The following ANKUB1 variants were observed in gnomAD, a reference collection of about 807,000 sequenced individuals.
ANKUB1 encodes the protein ankyrin repeat and ubiquitin domain containing 1, also known as protein ANKUB1.
In ANKUB1, 42 loss-of-function variants were observed where a neutral mutation model predicts 49.3. The observed-to-expected ratio is 0.85, with a 90% CI of 0.67 to 1.10. The LOEUF is 1.10. ANKUB1 is among the 50% of genes least tolerant of loss of function. ANKUB1 has a pLI of 0.00. For missense variants in ANKUB1, 613 were observed against 642.0 expected, an observed-to-expected ratio of 0.95 and a Z score of 0.49; for synonymous variants, 222 against 231.0, an observed-to-expected ratio of 0.96 and a Z score of 0.35.
chr3:149,780,076 A>G (rs1717787408), intron 3 of ANKUB1, 163 bp downstream of exon 3: 4 of 660,910 alleles, frequency 6.1e-6, no homozygotes, highest in African/African-American at 1.8e-5. Context: ...CTGATATTTA[A>G]ACTATGTAAA....
intron 3 of ANKUB1, among the ~76,000 whole-genome samples, chr3:149,773,876 G>A (rs1717469861): frequency 6.6e-6 from 1 of 152,126 alleles, no homozygotes; most frequent in Non-Finnish European, 1.5e-5. Flanking sequence ...AATTTATTAA[G>A]ATTTAGGCCA....
rs35734266 is a variant in ANKUB1 at position 149,776,804 on chromosome 3, T to TACAC, written c.451+3431_451+3434dup. Among the ~76,000 whole-genome samples the TACAC allele has an allele frequency of 1.6e-3, 242 of 149,598 alleles. 3 individuals are homozygous for TACAC. The South Asian group carries it at 0.022, about 13-fold the overall frequency. ...GGTGAAACCCTGTCTCTATAAAAAATACACACACACACACACACACAAATT... is the reference window on the plus strand; with the variant it reads ...GGTGAAACCCTGTCTCTATAAAAAATACACACACACACACACACACACACAAATT... On this transcript the variant is annotated intron_variant, in intron 3 of 5. Coordinates refer to ENST00000446160, the MANE Select transcript of ANKUB1 (RefSeq NM_001144960.3).
chr3:149,767,573 A>G lies in ANKUB1; in HGVS notation c.1089T>C (p.His363=), dbSNP rs567611404. ...TTTGTGAGTCGCTGTTCCCAGCCTTATGCCAGCTCTTGGAGGTCATTTTTG... is the reference window on the plus strand; with the variant it reads ...TTTGTGAGTCGCTGTTCCCAGCCTTGTGCCAGCTCTTGGAGGTCATTTTTG... ...TKPKMTSKSW[H]KAGNSDSQSI... is the part of the protein sequence containing the mutation. Residue 363 remains histidine (H), a synonymous_variant, in exon 5 of 6, where the codon CAT becomes CAC. Transcript: ENST00000446160. 3 of 1,551,652 alleles carry G rather than the reference A, an allele frequency of 1.9e-6. No homozygotes were observed. The highest frequency in any genetic ancestry group is 2.6e-6 in the Non-Finnish European group (3 of 1,146,990).
Position 149,767,586 on chromosome 3 carries a change from G to C in ANKUB1, c.1076C>G (p.Ser359Cys). The C allele has an allele frequency of 2.6e-6, 4 of 1,551,680 alleles. No homozygotes were observed. In the South Asian group the frequency reaches 4.8e-5, roughly 18 times the overall value. Residue 359 changes from serine to cysteine, a missense_variant, in exon 5 of 6, where the codon TCC becomes TGC. Physicochemically the swap from Ser to Cys is moderately radical, Grantham distance 112 (BLOSUM62 -1). Coordinates refer to ENST00000446160, the MANE Select transcript of ANKUB1 (RefSeq NM_001144960.3). ...VDGFTKPKMT[S>C]KSWHKAGNSD... Reference sequence around the variant, plus strand: ...GTTCCCAGCCTTATGCCAGCTCTTGGAGGTCATTTTTGGTTTGGTGAAACC... The same window carrying C: ...GTTCCCAGCCTTATGCCAGCTCTTGCAGGTCATTTTTGGTTTGGTGAAACC...
intron 3 of ANKUB1, 58 bp from the exon 4 acceptor site, chr3:149,770,732 A>G (rs1717318161): frequency 9.4e-7 from 1 of 1,058,818 alleles, no homozygotes; most frequent in Non-Finnish European, 1.4e-6. Flanking sequence ...TTGACAATCC[A>G]TAAAACTTCT....
At chr3:149,773,199 G>A (rs144585757) in intron 3 of ANKUB1, among the ~76,000 whole-genome samples, 2 of 151,834 alleles carry the variant, frequency 1.3e-5, no homozygotes, top group African/African-American at 2.4e-5. Context: ...ACACGAACAC[G>A]ACAAAGGATA....
intron 2 of ANKUB1, among the ~76,000 whole-genome samples, chr3:149,788,931 C>A (rs573467641): frequency 6.6e-6 from 1 of 151,930 alleles, no homozygotes; most frequent in South Asian, 2.1e-4. Flanking sequence ...GTGCCCACCA[C>A]ACCCAGCTAA....
intron 2 of ANKUB1, among the ~76,000 whole-genome samples, chr3:149,788,365 C>T (rs1718206531): frequency 6.6e-6 from 1 of 151,882 alleles, no homozygotes; most frequent in Non-Finnish European, 1.5e-5. Context: ...GACTTCTGCC[C>T]TGGCTCTCTT....
At position 149,792,328 on chromosome 3, in the gene ANKUB1, C is replaced by T. The variant is rs372356779; in HGVS notation, c.39G>A (p.Pro13=). ...CAGTTTCATCTGCTGAAACATCAAA[C>T]GGTTCAAAAGATCCTTCAAAGGCGA... ...IFIAFEGSFE[P]FDVSADETVE... The change falls in exon 1 of 6, where the codon CCG becomes CCA. Residue 13 remains proline (P), a synonymous_variant. Transcript: ENST00000446160. The T allele has an allele frequency of 2.9e-3, 4,440 of 1,532,080 alleles. 11 individuals are homozygous for T. The highest frequency in any genetic ancestry group is 3.6e-3 in the Non-Finnish European group (4,070 of 1,136,474). The allele number at this position is 1,532,080 out of a possible 1,614,324, so 94.9% of individuals were successfully genotyped here.
chr3:149,783,814 G>C (rs1185460984), intron 2 of ANKUB1: 3 of 152,184 alleles, frequency 2.0e-5, no homozygotes, highest in Admixed American at 2.0e-4. Flanking sequence ...ATTCTGGAGA[G>C]ATTATCCATG....
rs1358151610 is a variant in ANKUB1, at chr3:149,780,384, A to T, written c.306T>A (p.Ile102=). 8.4e-6 allele frequency: 13 copies of T among 1,552,202 alleles called. No homozygotes were observed. Among genetic ancestry groups the T allele is most frequent in the Non-Finnish European group, 1.1e-5 (13 of 1,147,070 alleles). Reference sequence around the variant, plus strand: ...CAGACACTGTTTTATCAAGAAGGGAAATGCTCTCCATTACTGGCATTGTGT... The same window carrying T: ...CAGACACTGTTTTATCAAGAAGGGATATGCTCTCCATTACTGGCATTGTGT... ...TQDTMPVMES[I]SLLDKTVSDL... The change falls in exon 3 of 6, where the codon ATT becomes ATA. Residue 102 remains isoleucine (I), a synonymous_variant. Transcript: ENST00000446160.
At chr3:149,772,903 C>A (rs1717427524) in intron 3 of ANKUB1, among the ~76,000 whole-genome samples, 1 of 152,200 alleles carries the variant, frequency 6.6e-6, no homozygotes, top group South Asian at 2.1e-4. Flanking sequence ...CTGTGCTTAT[C>A]TTTGTTGGCT....
At chr3:149,775,158 A>G (rs1717536690) in intron 3 of ANKUB1, among the ~76,000 whole-genome samples, 1 of 152,194 alleles carries the variant, frequency 6.6e-6, no homozygotes, top group Non-Finnish European at 1.5e-5. Context: ...TTAGGCAATC[A>G]TCTTCAACCT....
intron 5 of ANKUB1, among the ~76,000 whole-genome samples, chr3:149,762,721 C>A (rs1442570610): frequency 1.3e-5 from 2 of 152,212 alleles, no homozygotes; most frequent in African/African-American, 4.8e-5. Context: ...CTTCTATGAG[C>A]TTCCCACCTA....
In ANKUB1 at chr3:149,780,267, G is replaced by T. The variant is rs181647061; in HGVS notation, c.423C>A (p.Asn141Lys). The change falls in exon 3 of 6, where the codon AAC becomes AAA. Residue 141 changes from asparagine to lysine, a missense_variant. Coordinates refer to ENST00000446160, the MANE Select transcript of ANKUB1 (RefSeq NM_001144960.3). ...TPRGLEMYDC[N>K]TLKDYQTDIG... is the part of the protein sequence containing the mutation. ...TATCAGTCTGGTAGTCCTTGAGGGT[G>T]TTGCAATCATACATCTCCAGGCCCC... 1 of 1,551,722 alleles carries T rather than the reference G, an allele frequency of 6.4e-7. No homozygotes were observed. The highest frequency in any genetic ancestry group is 2.4e-5 in the East Asian group (1 of 40,912).
In ANKUB1 at chr3:149,782,076, A is replaced by G. The variant is rs190583347; in HGVS notation, c.235-1621T>C. Among the ~76,000 whole-genome samples, 44 of 152,316 alleles carry G rather than the reference A, an allele frequency of 2.9e-4. No individual in the cohort carries two copies. The East Asian group carries it at 8.3e-3, about 29-fold the overall frequency. On this transcript the variant is annotated intron_variant, in intron 2 of 5. Coordinates refer to ENST00000446160, the MANE Select transcript of ANKUB1 (RefSeq NM_001144960.3). ...GCAGAAATTCCTATGAAAACTGAAT[A>G]AAAAGATAGTGGGAAAGAGAGAAAA...
In ANKUB1 at chr3:149,790,786, C is replaced by T; in HGVS notation, c.229G>A (p.Val77Ile). The T allele has an allele frequency of 3.9e-6, 6 of 1,550,066 alleles. No homozygotes were observed. Among genetic ancestry groups the T allele is most frequent in the Non-Finnish European group, 5.2e-6 (6 of 1,146,488 alleles). ...TATTATCCTGACCATCATACCTTAA[C>T]AAAGCATTTGAGAGTTGAACAGAAA... ...ISFCSTLKCFVKEEDKPTLYV... is the reference protein window; with the variant it reads ...ISFCSTLKCFIKEEDKPTLYV... The change falls in exon 2 of 6, where the codon GTT becomes ATT. Residue 77 changes from valine (V) to isoleucine (I), a missense_variant. Val to Ile is a conservative substitution (Grantham distance 29). Transcript: ENST00000446160.
chr3:149,775,504 T>A (rs910818723), intron 3 of ANKUB1, among the ~76,000 whole-genome samples: 3 of 151,988 alleles, frequency 2.0e-5, no homozygotes, highest in Non-Finnish European at 4.4e-5. Context: ...GCACCATAGG[T>A]CTCCATGAGC....
intron 5 of ANKUB1, among the ~76,000 whole-genome samples, chr3:149,764,573 T>TCCCC (rs1716913565): frequency 9.7e-6 from 1 of 103,180 alleles, no homozygotes; most frequent in Non-Finnish European, 1.9e-5. Flanking sequence ...CTTCCTTCCC[T>TCCCC]CCCTCCCTCC....
Sources: gnomAD v4.1 joint callset for allele counts (sites outside exome capture counted in the v4.1 genomes callset) on GRCh38, gnomAD v4.1.1 for gene constraint, MANE v1.5 for transcripts, NCBI Gene and HGNC (gene_info 2026-07-23, HGNC 2026-07-21) for gene names.